The following LRRIQ3 variants were observed in gnomAD, a reference collection of about 807,000 sequenced individuals.
LRRIQ3 encodes the protein leucine-rich repeat and IQ domain-containing protein 3.
Under a neutral mutation model 59.3 loss-of-function variants are expected in LRRIQ3, and 75 were observed. That is an observed-to-expected ratio of 1.26 (90% CI 1.05 to 1.53). The LOEUF (loss-of-function observed/expected upper bound fraction) is 1.53. LRRIQ3 is among the 40% of genes most tolerant of loss of function. The pLI is 0.00. For missense variants in LRRIQ3, 831 were observed against 710.0 expected (o/e 1.17, Z -1.94); for synonymous variants, 250 against 231.3 (o/e 1.08, Z -0.73).
Position 74,183,654 on chromosome 1 carries a change from T to C in LRRIQ3, c.31A>G (p.Thr11Ala). 1 of 1,606,914 alleles carries C rather than the reference T, an allele frequency of 6.2e-7. No homozygotes were observed. Among genetic ancestry groups the C allele is most frequent in the Non-Finnish European group, 8.5e-7 (1 of 1,176,572 alleles). ...TAGTGACTCCATTCTTCATGACTGG[T>C]TAGCTCTTCTGTGACTGTTCCATGA... MFHGTVTEELTSHEEWSHYNE... is the reference protein window; with the variant it reads MFHGTVTEELASHEEWSHYNE... The change falls in exon 2 of 8, where the codon ACC (threonine) becomes GCC (alanine). Residue 11 changes from threonine to alanine, a missense_variant. Coordinates refer to ENST00000354431, the MANE Select transcript of LRRIQ3 (RefSeq NM_001105659.2).
intron 5 of LRRIQ3, chr1:74,083,363 G>A (rs896243719): frequency 4.6e-5 from 7 of 151,710 alleles, no homozygotes; most frequent in Non-Finnish European, 7.4e-5. Context: ...ACTGGATAAG[G>A]TGACTCAAAA....
chr1:74,188,150 A>C (rs1194535880), intron 1 of LRRIQ3, among the ~76,000 whole-genome samples: 1 of 152,228 alleles, frequency 6.6e-6, no homozygotes, highest in Admixed American at 6.5e-5. Context: ...TATTATCCTC[A>C]GCAAAAAAAT....
chr1:74,188,975 G>A (rs1288060332), intron 1 of LRRIQ3, among the ~76,000 whole-genome samples: 1 of 151,928 alleles, frequency 6.6e-6, no homozygotes, highest in Non-Finnish European at 1.5e-5. Context: ...AAATTTATTG[G>A]CTTAAAATAA....
At chr1:74,154,756 C>T (rs779783322) in intron 4 of LRRIQ3, among the ~76,000 whole-genome samples, 2 of 152,118 alleles carry the variant, frequency 1.3e-5, no homozygotes, top group Non-Finnish European at 2.9e-5. Flanking sequence ...CAGCAACTGC[C>T]TGATTGATTC....
chr1:74,133,295 A>ACGGTGTAG (rs1048238291), intron 4 of LRRIQ3, among the ~76,000 whole-genome samples: 19 of 152,156 alleles, frequency 1.2e-4, no homozygotes, highest in African/African-American at 4.6e-4. Context: ...ATTGTGGAAG[A>ACGGTGTAG]CGGTGTAGCG....
chr1:74,054,219 TA>T (rs199869076), intron 6 of LRRIQ3, among the ~76,000 whole-genome samples: 1 of 150,668 alleles, frequency 6.6e-6, no homozygotes, highest in Non-Finnish European at 1.5e-5. Context: ...TATCAAGCCA[TA>T]AAAAAAAACC....
chr1:74,114,440 T>C (rs1339790008), intron 4 of LRRIQ3, among the ~76,000 whole-genome samples: 1 of 151,928 alleles, frequency 6.6e-6, no homozygotes, highest in Non-Finnish European at 1.5e-5. Context: ...AGTTAAAGTG[T>C]ATATTGTAAG....
intron 4 of LRRIQ3, among the ~76,000 whole-genome samples, chr1:74,125,772 T>C (rs1222962983): frequency 6.6e-6 from 1 of 151,940 alleles, no homozygotes; most frequent in Non-Finnish European, 1.5e-5. Context: ...TGTTGAGGAT[T>C]TTTGCATCAA....
intron 6 of LRRIQ3, among the ~76,000 whole-genome samples, chr1:74,054,603 G>A (rs1265324832): frequency 6.6e-6 from 1 of 151,750 alleles, no homozygotes; most frequent in African/African-American, 2.4e-5. Flanking sequence ...ATGTGGTGTG[G>A]GATGTGGATA....
At chr1:74,181,731 A>T (rs572671071) in intron 3 of LRRIQ3, 4 of 151,938 alleles carry the variant, frequency 2.6e-5, no homozygotes, top group Admixed American at 1.3e-4. Flanking sequence ...GTCCCTAATT[A>T]AAAAAATTAT....
At chr1:74,130,958 A>G (rs1192840875) in intron 4 of LRRIQ3, among the ~76,000 whole-genome samples, 1 of 152,082 alleles carries the variant, frequency 6.6e-6, no homozygotes, top group Admixed American at 6.6e-5. Flanking sequence ...TTTTTTGAAA[A>G]GATCAACAAA....
At position 74,183,371 on chromosome 1, in the gene LRRIQ3, A is replaced by G. The variant is rs1305075869; in HGVS notation, c.249+65T>C. The G allele has an allele frequency of 5.8e-6, 8 of 1,385,134 alleles. No homozygotes were observed. In the African/African-American group the frequency reaches 7.3e-5, roughly 13 times the overall value. The allele number at this position is 1,385,134 out of a possible 1,614,324, so 85.8% of individuals were successfully genotyped here. On this transcript the variant is annotated intron_variant, in intron 2 of 7. Transcript: ENST00000354431. ...TGAAGAAATACTGTGGATAGGTAAC[A>G]TAAGTACTTATTATAAGACTGAAAT...
intron 6 of LRRIQ3, among the ~76,000 whole-genome samples, chr1:74,054,756 ATC>A (rs112600827): frequency 0.048 from 6,916 of 144,080 alleles, 205 homozygotes; most frequent in Admixed American, 0.078. Context: ...ATATATATAT[ATC>A]TATATATCTA....
intron 5 of LRRIQ3, chr1:74,082,552 C>T (rs1646285113): frequency 6.6e-6 from 1 of 151,270 alleles, no homozygotes; most frequent in Non-Finnish European, 1.5e-5. Flanking sequence ...TGAACAATGT[C>T]TATATTTATG....
intron 7 of LRRIQ3, among the ~76,000 whole-genome samples, chr1:74,039,394 A>C (rs1438306196): frequency 6.6e-6 from 1 of 152,192 alleles, no homozygotes; most frequent in Non-Finnish European, 1.5e-5. Context: ...ATCAAGCTGG[A>C]AAACACATGT....
At chr1:74,168,569 C>T (rs1649136844) in intron 3 of LRRIQ3, among the ~76,000 whole-genome samples, 1 of 151,990 alleles carries the variant, frequency 6.6e-6, no homozygotes, top group African/African-American at 2.4e-5. Flanking sequence ...CATATTTAGA[C>T]CATTTACTGT....
At chr1:74,089,273 A>C (rs1318465380) in intron 5 of LRRIQ3, among the ~76,000 whole-genome samples, 1 of 152,118 alleles carries the variant, frequency 6.6e-6, no homozygotes. Context: ...AGTCAAGTGT[A>C]GAATTACCAT....
intron 3 of LRRIQ3, 129 bp downstream of exon 3, chr1:74,182,409 G>A: frequency 2.1e-6 from 1 of 477,186 alleles, no homozygotes; most frequent in Non-Finnish European, 3.4e-6. Flanking sequence ...TATATTCATT[G>A]GTTTATATTA....
At chr1:74,120,078 A>G (rs1446417167) in intron 4 of LRRIQ3, among the ~76,000 whole-genome samples, 2 of 151,488 alleles carry the variant, frequency 1.3e-5, no homozygotes, top group East Asian at 3.9e-4. Context: ...ATTATTTGAT[A>G]AAAATTATTA....
Sources: gnomAD v4.1 joint callset for allele counts (sites outside exome capture counted in the v4.1 genomes callset) on GRCh38, gnomAD v4.1.1 for gene constraint, MANE v1.5 for transcripts, NCBI Gene and HGNC (gene_info 2026-07-23, HGNC 2026-07-21) for gene names.